The following CFAP58 variants were observed in gnomAD, a reference collection of about 807,000 sequenced individuals.
CFAP58 encodes cilia and flagella associated protein 58.
A neutral mutation model predicts 119.5 loss-of-function variants in CFAP58; 88 were observed. The ratio of observed to expected loss-of-function variants is 0.74; its 90% CI spans 0.62 to 0.88. CFAP58 has a LOEUF of 0.88. Among genes scored for constraint, CFAP58 ranks in the 40% least tolerant of loss-of-function variants. CFAP58 has a pLI of 0.00. For missense variants in CFAP58, 990 were observed against 1,021.2 expected, an observed-to-expected ratio of 0.97 and a Z score of 0.42; for synonymous variants, 365 against 366.3, an observed-to-expected ratio of 1.00 and a Z score of 0.04.
At chr10:104,413,339 C>A (rs967420341) in intron 15 of CFAP58, among the ~76,000 whole-genome samples, 1 of 152,136 alleles carries the variant, frequency 6.6e-6, no homozygotes, top group African/African-American at 2.4e-5. Flanking sequence ...CTGATTCATG[C>A]GGGTCTGTCA....
chr10:104,448,065 T>C (rs2133098983), intron 16 of CFAP58, among the ~76,000 whole-genome samples: 1 of 152,322 alleles, frequency 6.6e-6, no homozygotes, highest in Admixed American at 6.5e-5. Context: ...GAGGAAAAGA[T>C]GATGACAACA....
chr10:104,367,007 T>G (rs2014759610), intron 5 of CFAP58, among the ~76,000 whole-genome samples: 2 of 152,020 alleles, frequency 1.3e-5, no homozygotes, highest in South Asian at 4.1e-4. Context: ...AACTGGAGTC[T>G]GCCACCATGC....
chr10:104,351,790 A>T (rs2014462203), upstream of CFAP58: 1 of 152,190 alleles, frequency 6.6e-6, no homozygotes, highest in South Asian at 2.1e-4. Flanking sequence ...AATACCAAAA[A>T]ACTATATAAA....
chr10:104,343,562 A>C, the CFAP58 span, among the ~76,000 whole-genome samples: 2 of 151,118 alleles, frequency 1.3e-5, no homozygotes, highest in Admixed American at 1.3e-4. Flanking sequence ...ACAACCCAGT[A>C]TACTCACACA....
intron 15 of CFAP58, among the ~76,000 whole-genome samples, chr10:104,444,727 G>A (rs566165579): frequency 1.3e-5 from 2 of 152,104 alleles, no homozygotes; most frequent in Admixed American, 6.5e-5. Context: ...CAAAATTCAC[G>A]CACAGTGAAG....
chr10:104,357,850 CATAT>C (rs771499361), intron 1 of CFAP58, among the ~76,000 whole-genome samples: 4 of 45,654 alleles, frequency 8.8e-5, no homozygotes, highest in East Asian at 8.7e-4. Context: ...CATATGTACA[CATAT>C]ATACACATAT....
intron 13 of CFAP58, among the ~76,000 whole-genome samples, chr10:104,401,133 C>A (rs902752351): frequency 1.3e-5 from 2 of 152,018 alleles, no homozygotes; most frequent in African/African-American, 2.4e-5. Context: ...GGGGTAAGGG[C>A]GAGTGCAAAA....
intron 15 of CFAP58, among the ~76,000 whole-genome samples, chr10:104,445,184 A>G (rs1045195377): frequency 2.6e-5 from 4 of 151,686 alleles, no homozygotes; most frequent in African/African-American, 9.7e-5. Flanking sequence ...TTAGCCAAGC[A>G]TGGTGGTGCA....
intron 15 of CFAP58, among the ~76,000 whole-genome samples, chr10:104,408,895 T>C (rs577310972): frequency 6.6e-6 from 1 of 152,138 alleles, no homozygotes; most frequent in South Asian, 2.1e-4. Context: ...AGCTCAGGAG[T>C]TTGAGACCAG....
rs372977389 is a variant in CFAP58, at chr10:104,361,811, G to A, written c.292-212G>A. Among the ~76,000 whole-genome samples the A allele has an allele frequency of 5.9e-5, 9 of 152,192 alleles. No individual in the cohort carries two copies. In the East Asian group the frequency reaches 7.7e-4, roughly 13 times the overall value. ...AGAGGTCTTCTTGCCTCGGCCTCCC[G>A]AGTAGCTGAGACTATAGGCCTGTAC... is the stretch of plus-strand genomic sequence containing the variant. On this transcript the variant is annotated intron_variant, in intron 2 of 17. Coordinates refer to ENST00000369704, the MANE Select transcript of CFAP58 (RefSeq NM_001008723.2).
intron 17 of CFAP58, among the ~76,000 whole-genome samples, chr10:104,453,430 CTT>C (rs1473368842): frequency 6.6e-6 from 1 of 152,168 alleles, no homozygotes; most frequent in Non-Finnish European, 1.5e-5. Flanking sequence ...AATAGCAACT[CTT>C]ATCATTTTGT....
chr10:104,400,588 T>C (rs2012243393), intron 12 of CFAP58, 92 bp from the exon 13 acceptor site: 22 of 1,077,782 alleles, frequency 2.0e-5, no homozygotes, highest in Non-Finnish European at 3.0e-5. Context: ...ATGTGGGCGT[T>C]CAATAGATAC....
chr10:104,347,681 A>C, the CFAP58 span, among the ~76,000 whole-genome samples: 1 of 152,110 alleles, frequency 6.6e-6, no homozygotes, highest in East Asian at 1.9e-4. Flanking sequence ...GCAGGCTTTA[A>C]AATTTTTTTT....
chr10:104,361,745 G>A (rs1463303723), intron 2 of CFAP58, among the ~76,000 whole-genome samples: 3 of 152,136 alleles, frequency 2.0e-5, no homozygotes, highest in Non-Finnish European at 4.4e-5. Flanking sequence ...GAGTGCAGTG[G>A]CATGATTGCA....
intron 15 of CFAP58, among the ~76,000 whole-genome samples, chr10:104,441,750 G>C (rs184769709): frequency 6.6e-6 from 1 of 152,100 alleles, no homozygotes. Context: ...CTGTGTAACC[G>C]ACTAGTTCCC....
chr10:104,399,563 C>G, intron 12 of CFAP58, 63 bp downstream of exon 12: 1 of 1,534,686 alleles, frequency 6.5e-7, no homozygotes, highest in Non-Finnish European at 8.9e-7. Context: ...TAATTCCACC[C>G]TTCGAAACTT....
At chr10:104,381,939 CGTT>C (rs771915872) in intron 9 of CFAP58, among the ~76,000 whole-genome samples, 1 of 152,288 alleles carries the variant, frequency 6.6e-6, no homozygotes, top group East Asian at 1.9e-4. Context: ...TCTGAGGACT[CGTT>C]GTCAATTTAG....
the CFAP58 span, among the ~76,000 whole-genome samples, chr10:104,348,020 G>A: frequency 1.3e-5 from 2 of 151,374 alleles, no homozygotes; most frequent in African/African-American, 2.5e-5. Context: ...CTTGGTCCCT[G>A]TTATAAATTC....
rs147789672 is a variant in CFAP58 at position 104,406,543 on chromosome 10, A to G, written c.2152-146A>G. ...GGAATTTATGATTTTCTCATCTATT[A>G]TACTTTATTTTTGGTTCTAATTCTC... On this transcript the variant is annotated intron_variant, in intron 14 of 17. Transcript: ENST00000369704. 179 of 603,226 alleles carry G rather than the reference A, an allele frequency of 3.0e-4. No individual in the cohort carries two copies. The African/African-American group carries it at 3.1e-3, about 10-fold the overall frequency. 37.4% of individuals were successfully genotyped at this position (603,226 alleles called of 1,614,324 possible).
Sources: allele counts gnomAD v4.1 joint callset (sites outside exome capture counted in the v4.1 genomes callset), GRCh38; gene constraint gnomAD v4.1.1; transcripts MANE v1.5; gene names NCBI Gene and HGNC (gene_info 2026-07-23, HGNC 2026-07-21).